The following DMD variants were observed in gnomAD, a reference collection of about 807,000 sequenced individuals.
DMD encodes mutant dystrophin.
In DMD, 63 loss-of-function variants were observed where a neutral mutation model predicts 330.1. That is an observed-to-expected ratio of 0.19 (90% CI 0.16 to 0.24). DMD has a LOEUF of 0.24. Ranked by LOEUF, DMD falls within the 10% of genes least tolerant of loss-of-function variation. The pLI is 1.00. For synonymous variants in DMD, 1,223 were observed against 959.8 expected (o/e 1.27, Z -5.07); for missense variants, 3,344 against 2,684.1 (o/e 1.25, Z -5.43).
At chrX:32,566,959 T>A (rs1436358605) in intron 15 of DMD, among the ~76,000 whole-genome samples, 4 of 111,971 alleles carry the variant, frequency 3.6e-5, no homozygotes, top group African/African-American at 1.3e-4. Flanking sequence ...CCGAAACAAA[T>A]GTAAGTTTAT....
intron 62 of DMD, among the ~76,000 whole-genome samples, chrX:31,287,905 A>G (rs1034872495): frequency 1.1e-4 from 12 of 111,740 alleles, no homozygotes; most frequent in Admixed American, 1.9e-4. Context: ...CCTCCCAATT[A>G]AAGACTCCTT....
At chrX:31,899,068 A>G (rs1428166672) in intron 47 of DMD, among the ~76,000 whole-genome samples, 1 of 112,283 alleles carries the variant, frequency 8.9e-6, no homozygotes, top group African/African-American at 3.2e-5. Context: ...GTAAAATGTA[A>G]AAATTAAATT....
chrX:31,840,174 T>C (rs2093287677), intron 48 of DMD, among the ~76,000 whole-genome samples: 1 of 111,928 alleles, frequency 8.9e-6, no homozygotes, highest in African/African-American at 3.2e-5. Flanking sequence ...ATAGTATTTA[T>C]ACATTAAAAC....
intron 56 of DMD, among the ~76,000 whole-genome samples, chrX:31,501,829 T>C (rs189845038): frequency 1.7e-3 from 190 of 111,504 alleles, no homozygotes; most frequent in African/African-American, 5.9e-3. Context: ...AAATCTTTAG[T>C]ACCCTCATGT....
chrX:33,069,234 A>G (rs2094708554), intron 1 of DMD, among the ~76,000 whole-genome samples: 1 of 110,841 alleles, frequency 9.0e-6, no homozygotes, highest in South Asian at 3.8e-4. Flanking sequence ...ATCTCCTTCA[A>G]CAAGTTCATC....
intron 44 of DMD, among the ~76,000 whole-genome samples, chrX:32,203,142 A>C (rs919570933): frequency 1.2e-4 from 13 of 112,415 alleles, no homozygotes; most frequent in African/African-American, 3.9e-4. Context: ...CCATTCTCCA[A>C]GCTGGCTTTT....
intron 11 of DMD, among the ~76,000 whole-genome samples, chrX:32,636,625 A>C (rs16990520): frequency 0.063 from 7,040 of 111,761 alleles, 242 homozygotes; most frequent in African/African-American, 0.11. Flanking sequence ...TTCAAATGCA[A>C]ACACATTTAT....
At position 31,147,594 on chromosome X, in the gene DMD, C is replaced by T. The variant is rs1424258791; in HGVS notation, c.10554-76G>A. ...AGAAGAAAAAAAGTAATTTGAATAT[C>T]ATCACCAAATTTTATATACCATGGT... On this transcript the variant is annotated intron_variant, in intron 74 of 78. Transcript: ENST00000357033. 13 of 831,234 alleles carry T rather than the reference C, an allele frequency of 1.6e-5. No homozygotes were observed. The African/African-American group carries it at 2.8e-4, about 18-fold the overall frequency. 68.5% of individuals were successfully genotyped at this position (831,234 alleles called of 1,213,427 possible). A position where few individuals can be genotyped will look rare whatever the true frequency, so the allele number is the denominator to read the frequency against.
chrX:31,757,702 C>T (rs767297249), intron 51 of DMD, among the ~76,000 whole-genome samples: 66 of 109,835 alleles, frequency 6.0e-4, no homozygotes, highest in Non-Finnish European at 4.2e-4. Flanking sequence ...GACCTAATCA[C>T]CCCCCCAAAC....
chrX:33,254,436 G>A (rs1191466193), intron 1 of DMD, among the ~76,000 whole-genome samples: 3 of 110,491 alleles, frequency 2.7e-5, no homozygotes, highest in Non-Finnish European at 3.8e-5. Flanking sequence ...TTAGAGATAT[G>A]CAAAAATGGT....
intron 8 of DMD, among the ~76,000 whole-genome samples, chrX:32,698,217 T>C (rs1376782346): frequency 1.8e-5 from 2 of 111,517 alleles, no homozygotes; most frequent in East Asian, 5.7e-4. Flanking sequence ...TCTGGGAAGA[T>C]ATGAGCATGC....
chrX:31,780,781 T>C (rs1270314233), intron 50 of DMD, among the ~76,000 whole-genome samples: 1 of 111,974 alleles, frequency 8.9e-6, no homozygotes, highest in Non-Finnish European at 1.9e-5. Flanking sequence ...TAAACACTTA[T>C]TTTTGTCTGC....
intron 62 of DMD, among the ~76,000 whole-genome samples, chrX:31,277,167 T>G (rs1944913477): frequency 9.0e-6 from 1 of 111,646 alleles, no homozygotes; most frequent in African/African-American, 3.3e-5. Context: ...CCTCATATAC[T>G]TATCATTTCT....
intron 55 of DMD, among the ~76,000 whole-genome samples, chrX:31,564,173 C>T (rs868355495): frequency 9.0e-6 from 1 of 111,523 alleles, no homozygotes; most frequent in African/African-American, 3.3e-5. Context: ...CCTCCTGACA[C>T]CTTGATCTCA....
intron 55 of DMD, among the ~76,000 whole-genome samples, chrX:31,599,693 A>C (rs1336055091): frequency 8.9e-6 from 1 of 112,145 alleles, no homozygotes; most frequent in African/African-American, 3.2e-5. Context: ...GAATCACTCA[A>C]GAAGCTTAAA....
intron 1 of DMD, among the ~76,000 whole-genome samples, chrX:33,042,660 AAAGT>A (rs1212364881): frequency 1.8e-5 from 2 of 112,553 alleles, no homozygotes; most frequent in African/African-American, 3.2e-5. Context: ...TGGATTCCCA[AAAGT>A]AAGTGAAGGG....
At chrX:33,173,995 C>T (rs2049501369) in intron 1 of DMD, among the ~76,000 whole-genome samples, 1 of 89,728 alleles carries the variant, frequency 1.1e-5, no homozygotes, top group African/African-American at 4.1e-5. Flanking sequence ...AACATCAATA[C>T]ACATAAAAAT....
chrX:31,825,073 C>T (rs1199484890), intron 49 of DMD, among the ~76,000 whole-genome samples: 1 of 111,765 alleles, frequency 8.9e-6, no homozygotes, highest in Non-Finnish European at 1.9e-5. Flanking sequence ...ATTTTCCTGT[C>T]CTGACATCAG....
At chrX:32,623,626 CAAA>C (rs768192976) in intron 11 of DMD, among the ~76,000 whole-genome samples, 2 of 108,446 alleles carry the variant, frequency 1.8e-5, no homozygotes, top group Non-Finnish European at 1.9e-5. Context: ...CTCCCAGGCC[CAAA>C]TGATCCTCCT....
Sources: allele counts gnomAD v4.1 joint callset (sites outside exome capture counted in the v4.1 genomes callset), GRCh38; gene constraint gnomAD v4.1.1; transcripts MANE v1.5; gene names NCBI Gene and HGNC (gene_info 2026-07-23, HGNC 2026-07-21).